The following DLGAP1 variants were observed in gnomAD, a reference collection of about 807,000 sequenced individuals.
DLGAP1 encodes DLG associated protein 1.
DLGAP1 carries 11 observed loss-of-function variants against 90.8 expected under a neutral mutation model. That is an observed-to-expected ratio of 0.12 (90% CI 0.08 to 0.20). The LOEUF (loss-of-function observed/expected upper bound fraction) is 0.20, where lower values mean the gene tolerates loss of function less well. Ranked by LOEUF, DLGAP1 falls within the 10% of genes least tolerant of loss-of-function variation. The pLI is 1.00. For synonymous variants in DLGAP1, 558 were observed against 540.7 expected, an observed-to-expected ratio of 1.03 and a Z score of -0.44; for missense variants, 1,050 against 1,333.8, an observed-to-expected ratio of 0.79 and a Z score of 3.31.
intron 7 of DLGAP1, among the ~76,000 whole-genome samples, chr18:3,723,900 T>A (rs1953417226): frequency 6.6e-6 from 1 of 152,142 alleles, no homozygotes; most frequent in Admixed American, 6.5e-5. Flanking sequence ...CCAAGCTACA[T>A]CCAAGAGGGT....
In DLGAP1 at chr18:3,551,158, C is replaced by CATATATATATATATATATATATATAT. The variant is rs1275015577; in HGVS notation, c.2057+16331_2057+16332insATATATATATATATATATATATATAT. 8.4e-3 allele frequency among the ~76,000 whole-genome samples: 65 copies of CATATATATATATATATATATATATAT among 7,774 alleles called. 3 individuals carry two copies. Among genetic ancestry groups the CATATATATATATATATATATATATAT allele is most frequent in the Admixed American group, 0.01 (3 of 292 alleles). The allele number at this position is 7,774 out of a possible 152,430, so 5.1% of individuals were successfully genotyped here. ...AGCCCAAACTGACTAATATTATATA[C>CATATATATATATATATATATATATAT]ATATATATATATATATATACACATA... On this transcript the variant is annotated intron_variant, in intron 9 of 12. Coordinates refer to ENST00000315677, the MANE Select transcript of DLGAP1 (RefSeq NM_004746.4).
intron 7 of DLGAP1, among the ~76,000 whole-genome samples, chr18:3,638,933 T>C (rs1357123685): frequency 6.6e-6 from 1 of 152,244 alleles, no homozygotes; most frequent in Admixed American, 6.5e-5. Flanking sequence ...GCAATCGTTG[T>C]ATAAATCTCA....
At chr18:3,886,218 A>T (rs2071309141) in intron 3 of DLGAP1, among the ~76,000 whole-genome samples, 1 of 152,136 alleles carries the variant, frequency 6.6e-6, no homozygotes, top group African/African-American at 2.4e-5. Context: ...GTTTGAGGAG[A>T]CATCAGGAAG....
At chr18:3,900,152 A>G (rs1053409242) in intron 3 of DLGAP1, among the ~76,000 whole-genome samples, 8 of 152,242 alleles carry the variant, frequency 5.3e-5, no homozygotes, top group African/African-American at 1.9e-4. Flanking sequence ...GGAGGACTGT[A>G]CCGAAGAAAT....
rs1312940478 is a variant in DLGAP1, at chr18:3,618,871, G to A, written c.1592-36623C>T. 2.8e-4 allele frequency among the ~76,000 whole-genome samples: 42 copies of A among 150,712 alleles called. 1 individual carries two copies. In the East Asian group the frequency reaches 5.4e-3, roughly 20 times the overall value. On this transcript the variant is annotated intron_variant, in intron 7 of 12. Coordinates refer to ENST00000315677, the MANE Select transcript of DLGAP1 (RefSeq NM_004746.4). ...GGAGAATGGTGTGAACCTGGGAAGC[G>A]GAGCTGGCAGTGAGCCGAGATCGTG...
intron 4 of DLGAP1, among the ~76,000 whole-genome samples, chr18:3,856,495 T>C (rs1221100820): frequency 6.6e-6 from 1 of 152,136 alleles, no homozygotes; most frequent in East Asian, 1.9e-4. Flanking sequence ...AAATAGCTAA[T>C]AGGTGGGAAA....
intron 1 of DLGAP1, among the ~76,000 whole-genome samples, chr18:4,216,093 A>G (rs924403736): frequency 6.6e-6 from 1 of 152,156 alleles, no homozygotes; most frequent in African/African-American, 2.4e-5. Flanking sequence ...ATTGACTAAC[A>G]GTTCAGCATG....
At chr18:3,878,620 T>G (rs916801422) in intron 4 of DLGAP1, among the ~76,000 whole-genome samples, 11 of 152,124 alleles carry the variant, frequency 7.2e-5, no homozygotes, top group Admixed American at 3.3e-4. Context: ...TAGTTACTGA[T>G]GGTTATGATG....
At position 3,730,221 on chromosome 18, in the gene DLGAP1, C is replaced by T. The variant is rs139457992; in HGVS notation, c.1351-846G>A. Among the ~76,000 whole-genome samples, 677 of 152,224 alleles carry T rather than the reference C, an allele frequency of 4.4e-3. 6 individuals carry two copies. The highest frequency in any genetic ancestry group is 0.016 in the African/African-American group (651 of 41,538). ...TAAGGCCTGATTGCACCACTGCATT[C>T]CAGCCTGGGCAACAGAGAGAGATCT... On this transcript the variant is annotated intron_variant, in intron 6 of 12. Coordinates refer to ENST00000315677, the MANE Select transcript of DLGAP1 (RefSeq NM_004746.4).
At chr18:4,287,221 A>G (rs999514342) in intron 1 of DLGAP1, among the ~76,000 whole-genome samples, 5 of 152,206 alleles carry the variant, frequency 3.3e-5, no homozygotes, top group Admixed American at 3.3e-4. Flanking sequence ...ATGAGATACC[A>G]TCTCACATCA....
At chr18:3,671,185 T>C (rs1271521361) in intron 7 of DLGAP1, among the ~76,000 whole-genome samples, 2 of 22,224 alleles carry the variant, frequency 9.0e-5, no homozygotes, top group Non-Finnish European at 1.4e-4. Context: ...TCTTTGCTGC[T>C]TTTTTTTTTT....
intron 2 of DLGAP1, among the ~76,000 whole-genome samples, chr18:4,097,873 C>A (rs1439680551): frequency 6.6e-6 from 1 of 152,106 alleles, no homozygotes; most frequent in African/African-American, 2.4e-5. Context: ...AATCATTCAG[C>A]ATAATTTTAA....
intron 3 of DLGAP1, among the ~76,000 whole-genome samples, chr18:3,954,759 C>T (rs1021865231): frequency 2.0e-5 from 3 of 152,172 alleles, no homozygotes; most frequent in Non-Finnish European, 2.9e-5. Flanking sequence ...ATTTACCTCA[C>T]GCCTGAAACA....
At chr18:4,282,628 TGAAAA>T (rs949488149) in intron 1 of DLGAP1, among the ~76,000 whole-genome samples, 3 of 152,196 alleles carry the variant, frequency 2.0e-5, no homozygotes, top group African/African-American at 4.8e-5. Context: ...GCTTTAGATC[TGAAAA>T]GAAGAGTTTG....
chr18:4,027,538 A>G (rs1364939958), intron 2 of DLGAP1, among the ~76,000 whole-genome samples: 1 of 115,412 alleles, frequency 8.7e-6, no homozygotes, highest in African/African-American at 3.2e-5. Flanking sequence ...AAAAAAAAAG[A>G]ATAATGATAT....
chr18:4,134,695 C>T (rs1300535188), intron 2 of DLGAP1, among the ~76,000 whole-genome samples: 1 of 152,068 alleles, frequency 6.6e-6, no homozygotes, highest in Non-Finnish European at 1.5e-5. Flanking sequence ...CCCAGTTAAA[C>T]CCCACAATAA....
intron 1 of DLGAP1, among the ~76,000 whole-genome samples, chr18:4,229,636 G>A (rs1038112941): frequency 6.6e-6 from 1 of 151,988 alleles, no homozygotes; most frequent in Admixed American, 6.6e-5. Context: ...AGGAGAATGA[G>A]TCTAGACCCT....
At position 3,840,459 on chromosome 18, in the gene DLGAP1, G is replaced by A. The variant is rs577603198; in HGVS notation, c.958-26186C>T. Among the ~76,000 whole-genome samples the A allele has an allele frequency of 7.2e-5, 11 of 152,120 alleles. No homozygotes were observed. In the East Asian group the frequency reaches 1.7e-3, roughly 24 times the overall value. On this transcript the variant is annotated intron_variant, in intron 4 of 12. Transcript: ENST00000315677. Reference sequence around the variant, plus strand: ...GCAAAGCATCTTCAAATCTCTCTCCGCTTCCACGGCCACATAGTCTCCCTC... The same window carrying A: ...GCAAAGCATCTTCAAATCTCTCTCCACTTCCACGGCCACATAGTCTCCCTC...
chr18:3,650,974 G>C (rs949673245), intron 7 of DLGAP1, among the ~76,000 whole-genome samples: 1 of 152,100 alleles, frequency 6.6e-6, no homozygotes, highest in Non-Finnish European at 1.5e-5. Flanking sequence ...GCTGAGGCAG[G>C]ACAATTGCTT....
Sources: allele counts gnomAD v4.1 joint callset (sites outside exome capture counted in the v4.1 genomes callset), GRCh38; gene constraint gnomAD v4.1.1; transcripts MANE v1.5; gene names NCBI Gene and HGNC (gene_info 2026-07-23, HGNC 2026-07-21).